KALRN: variants seen among roughly 807,000 people sequenced by gnomAD.
KALRN encodes kalirin RhoGEF kinase, also known as kalirin.
KALRN carries 70 observed loss-of-function variants against 353.7 expected under a neutral mutation model. The observed-to-expected ratio is 0.20, with a 90% CI of 0.16 to 0.24. The LOEUF (loss-of-function observed/expected upper bound fraction) is 0.24, where lower values mean the gene tolerates loss of function less well. Ranked by LOEUF, KALRN falls within the 10% of genes least tolerant of loss-of-function variation. The pLI, the probability that KALRN is intolerant of heterozygous loss-of-function variation, is 1.00. For missense variants in KALRN, 2,791 were observed against 3,756.7 expected (o/e 0.74, Z 6.72); for synonymous variants, 1,391 against 1,434.8 (o/e 0.97, Z 0.69).
intron 10 of KALRN, among the ~76,000 whole-genome samples, chr3:124,382,038 C>T (rs2087468071): frequency 6.6e-6 from 1 of 152,170 alleles, no homozygotes; most frequent in African/African-American, 2.4e-5. Context: ...GTTGCTTGGG[C>T]TCTGAAGCCT....
intron 46 of KALRN, 129 bp from the exon 47 acceptor site, chr3:124,666,883 A>AC: frequency 1.1e-6 from 1 of 927,978 alleles, no homozygotes; most frequent in Non-Finnish European, 1.6e-6. Flanking sequence ...AAACCTAAGT[A>AC]CTGTCCTGCT....
intron 1 of KALRN, among the ~76,000 whole-genome samples, chr3:124,156,858 A>G (rs1639854188): frequency 1.3e-5 from 2 of 152,202 alleles, no homozygotes; most frequent in Admixed American, 1.3e-4. Flanking sequence ...CCCAGTCACT[A>G]CAAGCCTTTG....
rs1419742476 is a variant in KALRN, at chr3:124,171,027, G to T, written c.74-56963G>T. Among the ~76,000 whole-genome samples the T allele has an allele frequency of 2.6e-5, 4 of 151,732 alleles. No individual in the cohort carries two copies. The East Asian group carries it at 7.8e-4, about 29-fold the overall frequency. On this transcript the variant is annotated intron_variant, in intron 1 of 59. Coordinates refer to ENST00000682506, the MANE Select transcript of KALRN (RefSeq NM_001388419.1). Reference sequence around the variant, plus strand: ...AGACAGGGTTTCATTATGTTAGCCAGGCTGGTCTTGAACTCCTGGCCTCAA... The same window carrying T: ...AGACAGGGTTTCATTATGTTAGCCATGCTGGTCTTGAACTCCTGGCCTCAA...
chr3:124,522,521 A>G (rs777628171), intron 33 of KALRN, among the ~76,000 whole-genome samples: 1 of 152,214 alleles, frequency 6.6e-6, no homozygotes, highest in Non-Finnish European at 1.5e-5. Flanking sequence ...GCATGTACCA[A>G]TGCCCAATTC....
At chr3:124,423,699 G>C (rs1306741746) in intron 15 of KALRN, among the ~76,000 whole-genome samples, 2 of 152,074 alleles carry the variant, frequency 1.3e-5, no homozygotes, top group Non-Finnish European at 2.9e-5. Context: ...AACATGGTGA[G>C]ACCGCACAAA....
chr3:124,586,461 C>T (rs944721591), intron 34 of KALRN, among the ~76,000 whole-genome samples: 2 of 151,992 alleles, frequency 1.3e-5, no homozygotes, highest in Non-Finnish European at 2.9e-5. Flanking sequence ...GGGTAACTCT[C>T]TGGGCGTCTT....
intron 1 of KALRN, among the ~76,000 whole-genome samples, chr3:124,135,513 G>A (rs945075339): frequency 1.3e-5 from 2 of 152,078 alleles, no homozygotes; most frequent in Non-Finnish European, 2.9e-5. Flanking sequence ...CCTGTACCCC[G>A]ATAACTTATG....
chr3:124,289,952 G>A (rs1200878696), intron 5 of KALRN, among the ~76,000 whole-genome samples: 1 of 152,074 alleles, frequency 6.6e-6, no homozygotes, highest in Admixed American at 6.6e-5. Flanking sequence ...AAAGGGCTGA[G>A]GTCCATGTTT....
intron 1 of KALRN, among the ~76,000 whole-genome samples, chr3:124,063,848 G>A (rs1362471226): frequency 1.3e-5 from 2 of 152,194 alleles, no homozygotes; most frequent in Non-Finnish European, 2.9e-5. Flanking sequence ...GGCTAGTAGG[G>A]ATCAGAAAGG....
chr3:124,042,256 C>A (rs1350264810), intron 1 of KALRN, among the ~76,000 whole-genome samples: 2 of 152,176 alleles, frequency 1.3e-5, no homozygotes. Flanking sequence ...CAGGAGGTGG[C>A]AACCAGGTTG....
chr3:124,468,662 T>C (rs111964390), intron 25 of KALRN, among the ~76,000 whole-genome samples: 4 of 152,330 alleles, frequency 2.6e-5, no homozygotes, highest in African/African-American at 9.6e-5. Context: ...CCTTGCTCTA[T>C]AGAAACTGAA....
intron 10 of KALRN, among the ~76,000 whole-genome samples, chr3:124,365,935 G>C (rs1459130156): frequency 6.6e-6 from 1 of 152,186 alleles, no homozygotes; most frequent in Non-Finnish European, 1.5e-5. Context: ...AATTTGACAT[G>C]TTTCTTACTT....
intron 9 of KALRN, among the ~76,000 whole-genome samples, chr3:124,340,045 G>A (rs75314270): frequency 0.087 from 13,212 of 152,080 alleles, 1,880 homozygotes; most frequent in African/African-American, 0.3. Flanking sequence ...CATTTATTCA[G>A]CAAATACTCT....
At chr3:124,107,872 G>T (rs185842544) in intron 1 of KALRN, among the ~76,000 whole-genome samples, 108 of 152,340 alleles carry the variant, frequency 7.1e-4, no homozygotes, top group African/African-American at 2.5e-3. Context: ...GAGGACTTAA[G>T]AGAGCAAGAC....
intron 34 of KALRN, among the ~76,000 whole-genome samples, chr3:124,611,082 C>G (rs1017943524): frequency 1.3e-5 from 2 of 152,052 alleles, no homozygotes; most frequent in Admixed American, 6.5e-5. Flanking sequence ...GAGAAGGTAA[C>G]AGGGCTAGGG....
chr3:124,418,680 C>A (rs920250476), intron 14 of KALRN, among the ~76,000 whole-genome samples: 2 of 152,224 alleles, frequency 1.3e-5, no homozygotes, highest in Non-Finnish European at 2.9e-5. Flanking sequence ...GTACCCTCAT[C>A]TGGTAACAAA....
At chr3:124,103,962 AAG>A (rs754909047) in intron 1 of KALRN, among the ~76,000 whole-genome samples, 11 of 152,178 alleles carry the variant, frequency 7.2e-5, no homozygotes, top group African/African-American at 2.6e-4. Flanking sequence ...TCTCCAAGAA[AAG>A]AGAGAGAGAA....
chr3:124,383,226 TC>T (rs1362658297), intron 10 of KALRN, among the ~76,000 whole-genome samples: 1 of 152,130 alleles, frequency 6.6e-6, no homozygotes, highest in African/African-American at 2.4e-5. Flanking sequence ...CTGCCCATCT[TC>T]CCCAGGTCCT....
chr3:124,139,653 C>A (rs1374275035), intron 1 of KALRN, among the ~76,000 whole-genome samples: 3 of 152,266 alleles, frequency 2.0e-5, no homozygotes, highest in African/African-American at 7.2e-5. Context: ...AAAACCAGAG[C>A]ACCTGGGGGT....
Sources: allele counts gnomAD v4.1 joint callset (sites outside exome capture counted in the v4.1 genomes callset), GRCh38; gene constraint gnomAD v4.1.1; transcripts MANE v1.5; gene names NCBI Gene and HGNC (gene_info 2026-07-23, HGNC 2026-07-21).